Variants in RSPO3 observed in about 807,000 individuals in gnomAD.
RSPO3 encodes the protein R-spondin-3.
Under a neutral mutation model 36.5 loss-of-function variants are expected in RSPO3, and 17 were observed. That is an observed-to-expected ratio of 0.47 (90% CI 0.32 to 0.70). RSPO3 has a LOEUF of 0.70. RSPO3 is among the 30% of genes least tolerant of loss of function. The probability of loss-of-function intolerance (pLI) is 0.04; values close to 1 mark genes in which losing one functional copy is unlikely to be tolerated. For missense variants in RSPO3, 294 were observed against 322.5 expected (o/e 0.91, Z 0.68); for synonymous variants, 108 against 107.0 (o/e 1.01, Z -0.06).
chr6:127,168,362 A>G (rs1411841806), intron 4 of RSPO3, among the ~76,000 whole-genome samples: 3 of 117,902 alleles, frequency 2.5e-5, no homozygotes. Flanking sequence ...AGTGATGATG[A>G]GCATTTTTTT....
chr6:127,147,208 C>A (rs1774402946), intron 1 of RSPO3, among the ~76,000 whole-genome samples: 1 of 152,134 alleles, frequency 6.6e-6, no homozygotes, highest in South Asian at 2.1e-4. Flanking sequence ...ACCGAATGAC[C>A]TCTCTGTAAC....
intron 4 of RSPO3, among the ~76,000 whole-genome samples, chr6:127,155,891 T>TATATATACACAC: frequency 6.6e-6 from 1 of 150,742 alleles, no homozygotes; most frequent in Non-Finnish European, 1.5e-5. Context: ...TATATATATA[T>TATATATACACAC]ACACACACAC....
intron 4 of RSPO3, among the ~76,000 whole-genome samples, chr6:127,193,413 A>C (rs975118449): frequency 1.1e-4 from 16 of 152,350 alleles, no homozygotes; most frequent in African/African-American, 3.1e-4. Flanking sequence ...CACAGCTGTA[A>C]GATGTTGGAC....
At chr6:127,145,021 C>A (rs1458244837) in intron 1 of RSPO3, among the ~76,000 whole-genome samples, 2 of 152,134 alleles carry the variant, frequency 1.3e-5, no homozygotes, top group Non-Finnish European at 2.9e-5. Flanking sequence ...TATTAAGCAT[C>A]ACTCTCTGGA....
intron 4 of RSPO3, among the ~76,000 whole-genome samples, chr6:127,193,452 G>A (rs1317077112): frequency 1.3e-5 from 2 of 152,156 alleles, no homozygotes; most frequent in Admixed American, 6.5e-5. Flanking sequence ...GTCAAACACT[G>A]AACTTCTGGA....
At chr6:127,154,472 TCA>T (rs1051925153) in intron 3 of RSPO3, among the ~76,000 whole-genome samples, 2 of 152,158 alleles carry the variant, frequency 1.3e-5, no homozygotes, top group Non-Finnish European at 2.9e-5. Context: ...ATCTTAGGAA[TCA>T]CTTGGTCAGG....
intron 1 of RSPO3, among the ~76,000 whole-genome samples, chr6:127,135,481 A>G (rs537253327): frequency 6.6e-6 from 1 of 151,500 alleles, no homozygotes; most frequent in Admixed American, 6.6e-5. Flanking sequence ...CTGATTGGTA[A>G]TGGTAGCAGT....
At chr6:127,122,330 A>G (rs919874890) in intron 1 of RSPO3, among the ~76,000 whole-genome samples, 1 of 152,254 alleles carries the variant, frequency 6.6e-6, no homozygotes, top group African/African-American at 2.4e-5. Context: ...GAATTGGTAT[A>G]CAGCTCTTAA....
At chr6:127,141,436 T>C (rs1582791643) in intron 1 of RSPO3, among the ~76,000 whole-genome samples, 2 of 152,308 alleles carry the variant, frequency 1.3e-5, no homozygotes, top group African/African-American at 4.8e-5. Flanking sequence ...CTGCTTAATG[T>C]TAGGTTTGTT....
intron 4 of RSPO3, among the ~76,000 whole-genome samples, chr6:127,189,028 G>C (rs976339239): frequency 6.6e-6 from 1 of 152,088 alleles, no homozygotes. Context: ...TCTAGGCACC[G>C]TACTCTTACT....
intron 1 of RSPO3, among the ~76,000 whole-genome samples, chr6:127,135,871 A>G (rs1774145767): frequency 6.6e-6 from 1 of 151,138 alleles, no homozygotes; most frequent in African/African-American, 2.4e-5. Flanking sequence ...AGGCTGGAGT[A>G]AGCAGTAATC....
rs1370213065 is a variant in RSPO3, at chr6:127,198,615, C to T, written c.*2608C>T. 6.6e-6 allele frequency among the ~76,000 whole-genome samples: 1 copy of T among 152,226 alleles called. No homozygotes were observed. Among genetic ancestry groups the T allele is most frequent in the African/African-American group, 2.4e-5 (1 of 41,458 alleles). On this transcript the variant is annotated 3_prime_UTR_variant, in exon 5 of 5. Coordinates refer to ENST00000356698, the MANE Select transcript of RSPO3 (RefSeq NM_032784.5). Reference sequence around the variant, plus strand: ...CAACATAAATCTGTTAATGTCTGATCAAGCTCCTGCCCTGTTCTCCGAATT... The same window carrying T: ...CAACATAAATCTGTTAATGTCTGATTAAGCTCCTGCCCTGTTCTCCGAATT...
intron 1 of RSPO3, among the ~76,000 whole-genome samples, chr6:127,132,782 C>A (rs1214688137): frequency 6.6e-6 from 1 of 152,022 alleles, no homozygotes; most frequent in African/African-American, 2.4e-5. Flanking sequence ...CCTGTTTGCA[C>A]AGCATTTTCA....
Position 127,144,640 on chromosome 6 carries a change from C to CTTTTTTTTTTTTTTTTTTTTTTT in RSPO3, c.98-4006_98-4005insTTTTTTTTTTTTTTTTTTTTTTT, listed in dbSNP as rs140423963. ...TTCTGTAATTTTTCAGTAGCTTCCC[C>CTTTTTTTTTTTTTTTTTTTTTTT]TTGTTTTTTTTTTTTTCAGACAGAG... is the stretch of plus-strand genomic sequence containing the variant. On this transcript the variant is annotated intron_variant, in intron 1 of 4. Transcript: ENST00000356698. Among the ~76,000 whole-genome samples, 2 of 61,330 alleles carry CTTTTTTTTTTTTTTTTTTTTTTT rather than the reference C, an allele frequency of 3.3e-5. 1 individual carries two copies. Among genetic ancestry groups the CTTTTTTTTTTTTTTTTTTTTTTT allele is most frequent in the African/African-American group, 1.3e-4 (2 of 14,888 alleles). 40.2% of individuals were successfully genotyped at this position (61,330 alleles called of 152,430 possible). A position where few individuals can be genotyped will look rare whatever the true frequency, so the allele number is the denominator to read the frequency against.
At chr6:127,151,928 A>G (rs929622984) in intron 3 of RSPO3, among the ~76,000 whole-genome samples, 6 of 152,132 alleles carry the variant, frequency 3.9e-5, no homozygotes, top group Non-Finnish European at 7.4e-5. Context: ...GGAATATTCA[A>G]GAGCAGAAAT....
intron 4 of RSPO3, among the ~76,000 whole-genome samples, chr6:127,170,637 T>C (rs897280111): frequency 3.3e-5 from 5 of 151,738 alleles, no homozygotes; most frequent in African/African-American, 7.2e-5. Context: ...ACAGTGTTCA[T>C]TGATGGATGA....
At chr6:127,176,450 T>C (rs1775057892) in intron 4 of RSPO3, among the ~76,000 whole-genome samples, 1 of 151,772 alleles carries the variant, frequency 6.6e-6, no homozygotes, top group Non-Finnish European at 1.5e-5. Context: ...TTTATTTATT[T>C]TTTTTTAATA....
intron 1 of RSPO3, among the ~76,000 whole-genome samples, chr6:127,127,004 C>A (rs1773951160): frequency 6.6e-6 from 1 of 152,172 alleles, no homozygotes; most frequent in Admixed American, 6.5e-5. Context: ...AATGAACACA[C>A]AGTAACGCAA....
chr6:127,130,594 A>T (rs1036965525), intron 1 of RSPO3, among the ~76,000 whole-genome samples: 19 of 152,134 alleles, frequency 1.2e-4, no homozygotes, highest in African/African-American at 4.3e-4. Context: ...TTGTGGAACA[A>T]TGTATTTAAT....
Sources: allele counts gnomAD v4.1 joint callset (sites outside exome capture counted in the v4.1 genomes callset), GRCh38; gene constraint gnomAD v4.1.1; transcripts MANE v1.5; gene names NCBI Gene and HGNC (gene_info 2026-07-23, HGNC 2026-07-21).